CCDC117: variants seen among roughly 807,000 people sequenced by gnomAD.
CCDC117 encodes the protein coiled-coil domain-containing protein 117.
A neutral mutation model predicts 23.5 loss-of-function variants in CCDC117; 1 was observed. That is an observed-to-expected ratio of 0.04 (90% CI 0.02 to 0.20). The LOEUF (loss-of-function observed/expected upper bound fraction) is 0.20, where lower values mean the gene tolerates loss of function less well. CCDC117 is among the 10% of genes least tolerant of loss of function. The pLI, the probability that CCDC117 is intolerant of heterozygous loss-of-function variation, is 1.00. For missense variants in CCDC117, 383 were observed against 348.2 expected, an observed-to-expected ratio of 1.10 and a Z score of -0.80; for synonymous variants, 132 against 124.8, an observed-to-expected ratio of 1.06 and a Z score of -0.39.
Position 28,788,039 on chromosome 22 carries a change from T to C in CCDC117, c.*1713T>C, listed in dbSNP as rs2031570175. 6.6e-6 allele frequency: 1 copy of C among 152,652 alleles called. No homozygotes were observed. The highest frequency in any genetic ancestry group is 2.4e-5 in the African/African-American group (1 of 41,462). 9.5% of individuals were successfully genotyped at this position (152,652 alleles called of 1,614,324 possible). ...TGCCTGTTCCTGCTTTCTCTTTCTGTCTGGATAGTCAGGAAAAGATTTAAT... is the reference window on the plus strand; with the variant it reads ...TGCCTGTTCCTGCTTTCTCTTTCTGCCTGGATAGTCAGGAAAAGATTTAAT... On this transcript the variant is annotated 3_prime_UTR_variant, in exon 5 of 5. Coordinates refer to ENST00000249064, the MANE Select transcript of CCDC117 (RefSeq NM_173510.4).
chr22:28,773,672 A>G lies in CCDC117; in HGVS notation c.186-53A>G, dbSNP rs191743889. 1,809 of 1,456,572 alleles carry G rather than the reference A, an allele frequency of 1.2e-3. 2 individuals are homozygous for G. Among genetic ancestry groups the G allele is most frequent in the Non-Finnish European group, 1.6e-3 (1,698 of 1,038,626 alleles). The allele number at this position is 1,456,572 out of a possible 1,614,324, so 90.2% of individuals were successfully genotyped here. The stretch of plus-strand genomic sequence containing the variant: ...TTGGAGCAAGAAAGAGGATACTGAA[A>G]CCACAAGCTCGAGTACATTTCTTAA... On this transcript the variant is annotated intron_variant, in intron 1 of 4. Transcript: ENST00000249064.
chr22:28,777,469 A>G (rs1206048951), intron 2 of CCDC117, among the ~76,000 whole-genome samples: 2 of 149,530 alleles, frequency 1.3e-5, no homozygotes, highest in African/African-American at 4.9e-5. Flanking sequence ...GATTTAATTT[A>G]TATTTGTTAA....
rs1601422215 is a variant in CCDC117, at chr22:28,777,596, A to G, written c.240-3352A>G. ...ACCATCTTGACTCACTTTAACCTCC[A>G]CCTCCTGGGCTCAAGCGATTCTCCT... is the stretch of plus-strand genomic sequence containing the variant. On this transcript the variant is annotated intron_variant, in intron 2 of 4. Transcript: ENST00000249064. Among the ~76,000 whole-genome samples the G allele has an allele frequency of 2.1e-5, 3 of 144,600 alleles. No homozygotes were observed. In the South Asian group the frequency reaches 6.5e-4, roughly 31 times the overall value. The allele number at this position is 144,600 out of a possible 152,430, so 94.9% of individuals were successfully genotyped here.
Position 28,773,756 on chromosome 22 carries a change from C to G in CCDC117, c.217C>G (p.Arg73Gly), listed in dbSNP as rs761898218. The G allele has an allele frequency of 6.2e-7, 1 of 1,613,812 alleles. No homozygotes were observed. Among genetic ancestry groups the G allele is most frequent in the Non-Finnish European group, 8.5e-7 (1 of 1,179,762 alleles). The change falls in exon 2 of 5, where the codon CGA becomes GGA. Residue 73 changes from arginine (R) to glycine (G), a missense_variant. Arg to Gly is a moderately radical substitution (Grantham distance 125, BLOSUM62 -2). Coordinates refer to ENST00000249064, the MANE Select transcript of CCDC117 (RefSeq NM_173510.4). ...TGTTCACTGTAAAAAGAAACACAAG[C>G]GAGAGGAGGAGGAGGATGATGAGTA... is the stretch of plus-strand genomic sequence containing the variant. ...VSVHCKKKHK[R>G]EEEEDDDCPV... is the part of the protein sequence containing the mutation.
chr22:28,772,842 C>A lies in CCDC117; in HGVS notation c.-8C>A. 2.4e-6 allele frequency: 3 copies of A among 1,226,844 alleles called. No individual in the cohort carries two copies. Among genetic ancestry groups the A allele is most frequent in the Non-Finnish European group, 3.0e-6 (3 of 984,428 alleles). 76.0% of individuals were successfully genotyped at this position (1,226,844 alleles called of 1,614,324 possible). A position where few individuals can be genotyped will look rare whatever the true frequency, so the allele number is the denominator to read the frequency against. On this transcript the variant is annotated 5_prime_UTR_variant, in exon 1 of 5. Transcript: ENST00000249064. ...GGCCGCCGTCGCAGCCTCCTCGTCT[C>A]GCCGGCTATGGCTGCGCTCGGCCGG...
At chr22:28,780,645 C>G (rs1282420400) in intron 2 of CCDC117, among the ~76,000 whole-genome samples, 17 of 152,146 alleles carry the variant, frequency 1.1e-4, no homozygotes, top group Non-Finnish European at 4.4e-5. Flanking sequence ...TTCTTTACTT[C>G]CCACTTGACC....
At position 28,773,658 on chromosome 22, in the gene CCDC117, AAG is replaced by A. The variant is rs1423344045; in HGVS notation, c.186-64_186-63del. 9 of 1,302,444 alleles carry A rather than the reference AAG, an allele frequency of 6.9e-6. No homozygotes were observed. The Admixed American group carries it at 7.0e-5, about 10-fold the overall frequency. 80.7% of individuals were successfully genotyped at this position (1,302,444 alleles called of 1,614,324 possible). A position where few individuals can be genotyped will look rare whatever the true frequency, so the allele number is the denominator to read the frequency against. ...GATGAGCAAGATTATTGGAGCAAGA[AAG>A]AGGATACTGAAACCACAAGCTCGAG... On this transcript the variant is annotated intron_variant, in intron 1 of 4. Transcript: ENST00000249064.
chr22:28,784,935 AG>A (rs1217708625), intron 4 of CCDC117, among the ~76,000 whole-genome samples: 4 of 151,598 alleles, frequency 2.6e-5, no homozygotes. Context: ...TTGCCCGGCT[AG>A]TTTTTTGTAT....
intron 3 of CCDC117, among the ~76,000 whole-genome samples, chr22:28,782,933 G>T (rs2031395388): frequency 6.6e-6 from 1 of 152,080 alleles, no homozygotes; most frequent in Admixed American, 6.6e-5. Flanking sequence ...TTCACTTACT[G>T]CCTCTGAGTA....
In CCDC117 at chr22:28,786,202, A is replaced by G. The variant is rs1406759766; in HGVS notation, c.716A>G (p.His239Arg). ...TATACAGGAGAGAGCCAAGCTAAGC[A>G]TGTAGCTGCTGGCACTGCCTTCCCT... ...KNYTGESQAK[H>R]VAAGTAFPQR... The change falls in exon 5 of 5, where the codon CAT (histidine) becomes CGT (arginine). Residue 239 changes from histidine to arginine, a missense_variant. By Grantham distance (29) the His-to-Arg change is conservative. Transcript: ENST00000249064. 3.1e-6 allele frequency: 5 copies of G among 1,614,148 alleles called. No homozygotes were observed. In the East Asian group the frequency reaches 8.9e-5, roughly 29 times the overall value.
chr22:28,774,154 G>A (rs908679921), intron 2 of CCDC117, among the ~76,000 whole-genome samples: 4 of 145,204 alleles, frequency 2.8e-5, no homozygotes, highest in African/African-American at 5.1e-5. Flanking sequence ...TGCAATCTCC[G>A]CCTCCCGGCT....
At chr22:28,773,233 CG>C (rs1431983110) in intron 1 of CCDC117, 199 bp downstream of exon 1, 1 of 163,544 alleles carries the variant, frequency 6.1e-6, no homozygotes, top group African/African-American at 2.4e-5. Flanking sequence ...TGTAAGTCGC[CG>C]GGGGTCACAT....
At chr22:28,778,728 A>G (rs1253106071) in intron 2 of CCDC117, among the ~76,000 whole-genome samples, 2 of 152,212 alleles carry the variant, frequency 1.3e-5, no homozygotes, top group Non-Finnish European at 2.9e-5. Context: ...AAAGTTAACC[A>G]TCTTTAATTT....
rs574540888 is a variant in CCDC117, at chr22:28,787,010, C to G, written c.*684C>G. The G allele has an allele frequency of 1.3e-5, 2 of 152,576 alleles. No individual in the cohort carries two copies. The highest frequency in any genetic ancestry group is 4.8e-5 in the African/African-American group (2 of 41,504). The allele number at this position is 152,576 out of a possible 1,614,324, so 9.5% of individuals were successfully genotyped here. ...TGGTTTCCCTTGCGTAATTGATAAG[C>G]CCAGTTATTCAGTAATGTTTACAAA... On this transcript the variant is annotated 3_prime_UTR_variant, in exon 5 of 5. Transcript: ENST00000249064.
rs1420937495 is a variant in CCDC117 at position 28,786,513 on chromosome 22, G to T, written c.*187G>T. The T allele has an allele frequency of 7.3e-6, 4 of 551,694 alleles. No homozygotes were observed. The highest frequency in any genetic ancestry group is 1.3e-5 in the Non-Finnish European group (4 of 313,600). 34.2% of individuals were successfully genotyped at this position (551,694 alleles called of 1,614,324 possible). A position where few individuals can be genotyped will look rare whatever the true frequency, so the allele number is the denominator to read the frequency against. On this transcript the variant is annotated 3_prime_UTR_variant, in exon 5 of 5. Transcript: ENST00000249064. ...TTGACTTCACCTTTTTGCCAAGGAC[G>T]TTTGTCTCAAGGGAAAAGCAGTTTT...
chr22:28,787,421 G>A lies in CCDC117; in HGVS notation c.*1095G>A, dbSNP rs983932960. 1 of 152,212 alleles carries A rather than the reference G, an allele frequency of 6.6e-6. No homozygotes were observed. Among genetic ancestry groups the A allele is most frequent in the Admixed American group, 6.5e-5 (1 of 15,274 alleles). The allele number at this position is 152,212 out of a possible 1,614,324, so 9.4% of individuals were successfully genotyped here. ...CCCAAAATGCTGGGATTACAGGCGT[G>A]AGCCACGGCACGCAGCCAGCAAGTT... On this transcript the variant is annotated 3_prime_UTR_variant, in exon 5 of 5. Coordinates refer to ENST00000249064, the MANE Select transcript of CCDC117 (RefSeq NM_173510.4).
At chr22:28,780,154 T>TA (rs906117821) in intron 2 of CCDC117, among the ~76,000 whole-genome samples, 9 of 151,346 alleles carry the variant, frequency 5.9e-5, no homozygotes, top group South Asian at 4.2e-4. Flanking sequence ...AGTTTCCAAA[T>TA]AAAAAAAAAT....
Position 28,786,267 on chromosome 22 carries a change from A to G in CCDC117, c.781A>G (p.Met261Val), listed in dbSNP as rs1569200913. Reference sequence around the variant, plus strand: ...GTTTTCGGAACCTCGGCCAACAGGGATGTCTCTTTATAATAGTTTGGAGAC... The same window carrying G: ...GTTTTCGGAACCTCGGCCAACAGGGGTGTCTCTTTATAATAGTTTGGAGAC... ...ELFSEPRPTG[M>V]SLYNSLETAT... The change falls in exon 5 of 5, where the codon ATG becomes GTG. Residue 261 changes from methionine to valine, a missense_variant. Met to Val is a conservative substitution (Grantham distance 21). Coordinates refer to ENST00000249064, the MANE Select transcript of CCDC117 (RefSeq NM_173510.4). 1.2e-6 allele frequency: 2 copies of G among 1,614,194 alleles called. 1 individual carries two copies. The highest frequency in any genetic ancestry group is 2.2e-5 in the South Asian group (2 of 91,084).
Position 28,773,705 on chromosome 22 carries a change from ATTT to A in CCDC117, c.186-17_186-15del, listed in dbSNP as rs573907298. 6.2e-7 allele frequency: 1 copy of A among 1,606,748 alleles called. No homozygotes were observed. Among genetic ancestry groups the A allele is most frequent in the Non-Finnish European group, 8.5e-7 (1 of 1,173,566 alleles). The stretch of plus-strand genomic sequence containing the variant: ...CTCGAGTACATTTCTTAATTGACTG[ATTT>A]TTGTTTGTTTCAACAGTGTTTCTGT... On this transcript the variant is annotated splice_polypyrimidine_tract_variant and intron_variant, in intron 1 of 4. Transcript: ENST00000249064.
Sources: allele counts gnomAD v4.1 joint callset (sites outside exome capture counted in the v4.1 genomes callset), GRCh38; gene constraint gnomAD v4.1.1; transcripts MANE v1.5; gene names NCBI Gene and HGNC (gene_info 2026-07-23, HGNC 2026-07-21).